VMP1: variants seen among roughly 807,000 people sequenced by gnomAD.
VMP1 encodes the protein vacuole membrane protein 1.
In VMP1, 11 loss-of-function variants were observed where a neutral mutation model predicts 56.0. That is an observed-to-expected ratio of 0.20 (90% confidence interval 0.12 to 0.32). The LOEUF is 0.32. Among genes scored for constraint, VMP1 ranks in the 10% least tolerant of loss-of-function variants. The pLI, the probability that VMP1 is intolerant of heterozygous loss-of-function variation, is 1.00. For missense variants in VMP1, 296 were observed against 490.3 expected, an observed-to-expected ratio of 0.60 and a Z score of 3.74; for synonymous variants, 149 against 165.0, an observed-to-expected ratio of 0.90 and a Z score of 0.74.
intron 1 of VMP1, among the ~76,000 whole-genome samples, chr17:59,713,096 C>T (rs1026017828): frequency 1.3e-5 from 2 of 151,870 alleles, no homozygotes; most frequent in East Asian, 1.9e-4. Flanking sequence ...GGTGGTTGTG[C>T]CAGGTACTGG....
At chr17:59,709,869 A>G (rs2033836727) in intron 1 of VMP1, among the ~76,000 whole-genome samples, 1 of 152,230 alleles carries the variant, frequency 6.6e-6, no homozygotes, top group Non-Finnish European at 1.5e-5. Flanking sequence ...ACTAAAGAGT[A>G]GAAGTAGTCC....
intron 10 of VMP1, among the ~76,000 whole-genome samples, chr17:59,825,570 G>A (rs1403883498): frequency 2.0e-5 from 3 of 152,106 alleles, no homozygotes; most frequent in African/African-American, 7.2e-5. Flanking sequence ...CATATGACTC[G>A]CAGCAAACCA....
intron 9 of VMP1, 88 bp from the exon 10 acceptor site, chr17:59,817,624 T>C: frequency 1.1e-6 from 1 of 931,516 alleles, no homozygotes. Flanking sequence ...GGCACAATCT[T>C]ACCTCTTTAG....
At chr17:59,762,232 A>G (rs2036082361) in intron 5 of VMP1, among the ~76,000 whole-genome samples, 1 of 152,184 alleles carries the variant, frequency 6.6e-6, no homozygotes, top group Admixed American at 6.5e-5. Flanking sequence ...TGCTCCCACA[A>G]GAGTTGGAAC....
At chr17:59,769,866 T>C (rs964622010) in intron 6 of VMP1, among the ~76,000 whole-genome samples, 1 of 152,188 alleles carries the variant, frequency 6.6e-6, no homozygotes, top group African/African-American at 2.4e-5. Flanking sequence ...TATTTGAATT[T>C]TATAGAGAAT....
At chr17:59,812,283 C>T (rs1281387974) in intron 9 of VMP1, among the ~76,000 whole-genome samples, 3 of 152,026 alleles carry the variant, frequency 2.0e-5, no homozygotes, top group Admixed American at 1.3e-4. Flanking sequence ...TACCGAAAAA[C>T]AGCCAGATGT....
intron 7 of VMP1, among the ~76,000 whole-genome samples, chr17:59,780,084 A>C (rs1237220003): frequency 1.3e-5 from 2 of 152,076 alleles, no homozygotes; most frequent in African/African-American, 4.8e-5. Flanking sequence ...CTCTGATACC[A>C]CTTTTTCTTT....
intron 7 of VMP1, among the ~76,000 whole-genome samples, chr17:59,782,723 T>C (rs932034659): frequency 4.6e-5 from 7 of 152,208 alleles, no homozygotes; most frequent in Non-Finnish European, 1.0e-4. Context: ...AGTGGAAATT[T>C]AAATTTTAAG....
At chr17:59,709,217 G>A (rs1362179641) in intron 1 of VMP1, among the ~76,000 whole-genome samples, 1 of 152,062 alleles carries the variant, frequency 6.6e-6, no homozygotes, top group Non-Finnish European at 1.5e-5. Flanking sequence ...TTTAACATTC[G>A]GTAAATTTGC....
chr17:59,786,372 A>G (rs1042633977), intron 7 of VMP1, among the ~76,000 whole-genome samples: 9 of 152,232 alleles, frequency 5.9e-5, no homozygotes, highest in South Asian at 2.1e-4. Context: ...ACATTTTCCT[A>G]TGAAGTGTGT....
At chr17:59,777,165 C>G (rs530594181) in intron 7 of VMP1, among the ~76,000 whole-genome samples, 1 of 152,160 alleles carries the variant, frequency 6.6e-6, no homozygotes, top group African/African-American at 2.4e-5. Context: ...ACAGTTGCTT[C>G]TGTCTTGGTT....
intron 9 of VMP1, among the ~76,000 whole-genome samples, chr17:59,817,160 G>A (rs2038268331): frequency 1.4e-5 from 2 of 145,838 alleles, no homozygotes; most frequent in Admixed American, 1.4e-4. Context: ...GTAATCCCAG[G>A]TACTTTGGGA....
chr17:59,813,789 A>G (rs184996467), intron 9 of VMP1, among the ~76,000 whole-genome samples: 3 of 152,304 alleles, frequency 2.0e-5, no homozygotes, highest in African/African-American at 7.2e-5. Flanking sequence ...CTAGTAATCC[A>G]TAAGTTTTAT....
chr17:59,786,604 C>T (rs983342901), intron 7 of VMP1, among the ~76,000 whole-genome samples: 1 of 152,166 alleles, frequency 6.6e-6, no homozygotes, highest in African/African-American at 2.4e-5. Flanking sequence ...TGTGGTTTGT[C>T]TGGCCATCAC....
chr17:59,808,853 T>G lies in VMP1; in HGVS notation c.772T>G (p.Phe258Val), dbSNP rs1386016809. 3 of 1,614,010 alleles carry G rather than the reference T, an allele frequency of 1.9e-6. No individual in the cohort carries two copies. The highest frequency in any genetic ancestry group is 2.5e-6 in the Non-Finnish European group (3 of 1,180,026). Residue 258 changes from phenylalanine to valine, a missense_variant, in exon 8 of 12, where the codon TTT becomes GTT. Around this residue, in one of 4 missense-constraint regions of VMP1, gnomAD observed 126 missense variants for 231.6 expected, o/e 0.54. Coordinates refer to ENST00000262291, the MANE Select transcript of VMP1 (RefSeq NM_030938.5). ...AAAACTAGTACAGAAAGTTGGATTT[T>G]TTGGAATTTTGGCCTGTGCTTCAGT... is the stretch of plus-strand genomic sequence containing the variant. ...VQKLVQKVGF[F>V]GILACASIPN...
intron 7 of VMP1, among the ~76,000 whole-genome samples, chr17:59,787,152 T>G (rs1395421834): frequency 6.6e-6 from 1 of 152,232 alleles, no homozygotes; most frequent in African/African-American, 2.4e-5. Context: ...GGTCACTTAC[T>G]TGCACTTTGT....
intron 7 of VMP1, among the ~76,000 whole-genome samples, chr17:59,785,713 A>G (rs2036985288): frequency 1.3e-5 from 2 of 151,850 alleles, no homozygotes; most frequent in African/African-American, 2.4e-5. Context: ...AAAAAGATAA[A>G]AAAGAATATC....
intron 5 of VMP1, among the ~76,000 whole-genome samples, chr17:59,748,898 T>TA: frequency 6.7e-6 from 1 of 149,902 alleles, no homozygotes; most frequent in Non-Finnish European, 1.5e-5. Flanking sequence ...TTATTTATTT[T>TA]TTTTTTTTGA....
At chr17:59,748,179 G>C (rs2035504493) in intron 5 of VMP1, among the ~76,000 whole-genome samples, 1 of 129,820 alleles carries the variant, frequency 7.7e-6, no homozygotes, top group Non-Finnish European at 1.5e-5. Context: ...CTGGGCAATA[G>C]AGCGAGACTC....
Sources: allele counts gnomAD v4.1 joint callset (sites outside exome capture counted in the v4.1 genomes callset), GRCh38; gene constraint gnomAD v4.1.1; regional missense constraint gnomAD v4.1.1; transcripts MANE v1.5; gene names NCBI Gene and HGNC (gene_info 2026-07-23, HGNC 2026-07-21).